Variants in NIPA1 observed in about 807,000 individuals in gnomAD.
NIPA1 encodes magnesium transporter NIPA1.
NIPA1 carries 13 observed loss-of-function variants against 23.9 expected under a neutral mutation model. The ratio of observed to expected loss-of-function variants is 0.54; its 90% confidence interval spans 0.35 to 0.87. The LOEUF (loss-of-function observed/expected upper bound fraction) is 0.87, where lower values mean the gene tolerates loss of function less well. Ranked by LOEUF, NIPA1 falls within the 40% of genes least tolerant of loss-of-function variation. The probability of loss-of-function intolerance (pLI) is 0.01; values close to 1 mark genes in which losing one functional copy is unlikely to be tolerated. For synonymous variants in NIPA1, 234 were observed against 202.9 expected (o/e 1.15, Z -1.30); for missense variants, 362 against 429.7 (o/e 0.84, Z 1.39).
chr15:22,829,241 A>G lies in NIPA1; in HGVS notation c.*5002A>G, dbSNP rs770442629. 2 of 152,072 alleles carry G rather than the reference A, an allele frequency of 1.3e-5. No individual in the cohort carries two copies. Among genetic ancestry groups the G allele is most frequent in the Non-Finnish European group, 2.9e-5 (2 of 68,016 alleles). 9.4% of individuals were successfully genotyped at this position (152,072 alleles called of 1,614,324 possible). Reference sequence around the variant, plus strand: ...TGAAAAAGATTTAATGGCCTGTGAAACACGTGGATTCTGTTGCACTGGATT... The same window carrying G: ...TGAAAAAGATTTAATGGCCTGTGAAGCACGTGGATTCTGTTGCACTGGATT... On this transcript the variant is annotated 3_prime_UTR_variant, in exon 5 of 5. Transcript: ENST00000337435.
chr15:22,787,443 C>T (rs1358021214), intron 1 of NIPA1, among the ~76,000 whole-genome samples: 1 of 152,230 alleles, frequency 6.6e-6, no homozygotes, highest in African/African-American at 2.4e-5. Context: ...CGCCTTAGAC[C>T]TGCACCAAAT....
In NIPA1 at chr15:22,824,158, G is replaced by A; in HGVS notation, c.909G>A (p.Val303=). The part of the protein sequence containing the change: ...GMACGFTTVS[V]GIVLIQVFKE... ...CCTGTGGATTCACGACCGTCTCCGT[G>A]GGGATTGTCCTTATACAGGTGTTCA... is the stretch of plus-strand genomic sequence containing the variant. The change falls in exon 5 of 5, where the codon GTG becomes GTA. Residue 303 remains valine (V), a synonymous_variant. Coordinates refer to ENST00000337435, the MANE Select transcript of NIPA1 (RefSeq NM_144599.5). The surrounding 1 kb of genome is among the most constrained non-coding windows in gnomAD (Gnocchi z 4.1). 6.2e-7 allele frequency: 1 copy of A among 1,613,640 alleles called. No individual in the cohort carries two copies. Among genetic ancestry groups the A allele is most frequent in the Non-Finnish European group, 8.5e-7 (1 of 1,179,502 alleles).
chr15:22,796,258 A>G (rs1894936736), intron 1 of NIPA1, among the ~76,000 whole-genome samples: 1 of 151,954 alleles, frequency 6.6e-6, no homozygotes, highest in Non-Finnish European at 1.5e-5. Flanking sequence ...TTAACTCTTT[A>G]TTTAGAAAAA....
rs759211372 is a variant in NIPA1, at chr15:22,829,183, T to C, written c.*4944T>C. The C allele has an allele frequency of 8.5e-5, 13 of 152,224 alleles. No homozygotes were observed. Among genetic ancestry groups the C allele is most frequent in the Non-Finnish European group, 1.3e-4 (9 of 68,034 alleles). The allele number at this position is 152,224 out of a possible 1,614,324, so 9.4% of individuals were successfully genotyped here. A position where few individuals can be genotyped will look rare whatever the true frequency, so the allele number is the denominator to read the frequency against. Reference sequence around the variant, plus strand: ...GAAAGATCACCTTCCGATGGTGTGATGTGCTCCTGACATTCGGCCGAGGTC... The same window carrying C: ...GAAAGATCACCTTCCGATGGTGTGACGTGCTCCTGACATTCGGCCGAGGTC... On this transcript the variant is annotated 3_prime_UTR_variant, in exon 5 of 5. Coordinates refer to ENST00000337435, the MANE Select transcript of NIPA1 (RefSeq NM_144599.5).
intron 1 of NIPA1, among the ~76,000 whole-genome samples, chr15:22,806,624 T>C (rs1216444275): frequency 2.5e-5 from 2 of 80,298 alleles, no homozygotes; most frequent in Non-Finnish European, 2.0e-5. Context: ...AGCTTGGGCA[T>C]AGATACCTAC....
chr15:22,799,771 G>A (rs1895030075), intron 1 of NIPA1, among the ~76,000 whole-genome samples: 1 of 146,178 alleles, frequency 6.8e-6, no homozygotes, highest in Non-Finnish European at 1.5e-5. Context: ...GACAGAGCAA[G>A]ACTCTGTCTC....
chr15:22,822,957 C>T (rs1156325350), intron 4 of NIPA1, among the ~76,000 whole-genome samples: 35 of 121,772 alleles, frequency 2.9e-4, no homozygotes, highest in African/African-American at 1.0e-3. Flanking sequence ...CTTGCTCTGT[C>T]GCCCAGGCTG....
At position 22,798,553 on chromosome 15, in the gene NIPA1, TA is replaced by T. The variant is rs534667934; in HGVS notation, c.178+11730del. Among the ~76,000 whole-genome samples the T allele has an allele frequency of 3.0e-4, 42 of 138,158 alleles. 1 individual carries two copies. Among genetic ancestry groups the T allele is most frequent in the East Asian group, 2.5e-3 (10 of 4,052 alleles). The allele number at this position is 138,158 out of a possible 152,430, so 90.6% of individuals were successfully genotyped here. On this transcript the variant is annotated intron_variant, in intron 1 of 4. Transcript: ENST00000337435. ...TGTGCCTGGCCTATCCTAAAAATCT[TA>T]AAAAAAAAAACCGGCAGGGTGCACT...
At chr15:22,789,003 T>C (rs970552299) in intron 1 of NIPA1, among the ~76,000 whole-genome samples, 1 of 151,804 alleles carries the variant, frequency 6.6e-6, no homozygotes, top group Non-Finnish European at 1.5e-5. Flanking sequence ...TTATTATGAT[T>C]TTTTTTTGAG....
chr15:22,800,910 G>C (rs565667245), intron 1 of NIPA1, among the ~76,000 whole-genome samples: 1 of 146,698 alleles, frequency 6.8e-6, no homozygotes, highest in Non-Finnish European at 1.5e-5. Context: ...CAGCCTGGGC[G>C]ACAGTGCGAG....
intron 1 of NIPA1, among the ~76,000 whole-genome samples, chr15:22,797,100 C>T (rs1259857388): frequency 1.4e-4 from 20 of 146,794 alleles, no homozygotes; most frequent in African/African-American, 4.1e-4. Flanking sequence ...AGTGCAGTGG[C>T]GCGATCTCAG....
intron 1 of NIPA1, among the ~76,000 whole-genome samples, chr15:22,789,539 G>C (rs985004744): frequency 6.6e-6 from 1 of 152,214 alleles, no homozygotes; most frequent in Admixed American, 6.5e-5. Flanking sequence ...GAATTGTTTT[G>C]GGATTTGGTT....
In NIPA1 at chr15:22,824,242, T is replaced by G. The variant is rs779208974; in HGVS notation, c.*3T>G. On this transcript the variant is annotated 3_prime_UTR_variant, in exon 5 of 5. Coordinates refer to ENST00000337435, the MANE Select transcript of NIPA1 (RefSeq NM_144599.5). The surrounding 1 kb of genome is among the most constrained non-coding windows in gnomAD (Gnocchi z 4.1). ...AATCTAATATGAAAACAGACTAGAT[T>G]GCAATAGGAGCTTGGATGGTTCGAG... 8 of 1,612,534 alleles carry G rather than the reference T, an allele frequency of 5.0e-6. No individual in the cohort carries two copies. The highest frequency in any genetic ancestry group is 6.8e-6 in the Non-Finnish European group (8 of 1,178,520).
chr15:22,788,225 G>T (rs1189667276), intron 1 of NIPA1, among the ~76,000 whole-genome samples: 1 of 152,116 alleles, frequency 6.6e-6, no homozygotes, highest in African/African-American at 2.4e-5. Context: ...CTTGCGGCCG[G>T]GCGCGGTGGC....
chr15:22,812,583 G>A (rs560920188), intron 3 of NIPA1, among the ~76,000 whole-genome samples: 1 of 151,896 alleles, frequency 6.6e-6, no homozygotes. Context: ...AACCTGGGGG[G>A]CAGAGGTTGC....
rs1236416318 is a variant in NIPA1, at chr15:22,826,250, A to G, written c.*2011A>G. ...GATCATGGGTTGTCAGTGATTTGTGAACTGAGAGCAGCAACAACATTATTT... is the reference window on the plus strand; with the variant it reads ...GATCATGGGTTGTCAGTGATTTGTGGACTGAGAGCAGCAACAACATTATTT... On this transcript the variant is annotated 3_prime_UTR_variant, in exon 5 of 5. Transcript: ENST00000337435. 1.3e-5 allele frequency: 2 copies of G among 151,242 alleles called. No homozygotes were observed. Among genetic ancestry groups the G allele is most frequent in the East Asian group, 3.9e-4 (2 of 5,128 alleles). 9.4% of individuals were successfully genotyped at this position (151,242 alleles called of 1,614,324 possible). A position where few individuals can be genotyped will look rare whatever the true frequency, so the allele number is the denominator to read the frequency against.
chr15:22,798,882 A>G (rs921034503), intron 1 of NIPA1, among the ~76,000 whole-genome samples: 2 of 150,258 alleles, frequency 1.3e-5, no homozygotes, highest in Non-Finnish European at 3.0e-5. Context: ...TGTGGTAAAT[A>G]TCAAATATGT....
At position 22,812,206 on chromosome 15, in the gene NIPA1, C is replaced by T; in HGVS notation, c.270C>T (p.Val90=). 1 of 1,613,808 alleles carries T rather than the reference C, an allele frequency of 6.2e-7. No individual in the cohort carries two copies. The highest frequency in any genetic ancestry group is 2.2e-5 in the East Asian group (1 of 44,882). ...GAAACTTCCTGGCTTACACGGCGGTCCCCACGGTCCTGGTAACCCCCCTGG... is the reference window on the plus strand; with the variant it reads ...GAAACTTCCTGGCTTACACGGCGGTTCCCACGGTCCTGGTAACCCCCCTGG... ...QIGNFLAYTA[V]PTVLVTPLGA... Residue 90 remains valine (V), a synonymous_variant, in exon 3 of 5, where the codon GTC becomes GTT. Coordinates refer to ENST00000337435, the MANE Select transcript of NIPA1 (RefSeq NM_144599.5).
chr15:22,812,951 G>A (rs1895348042), intron 3 of NIPA1, among the ~76,000 whole-genome samples: 1 of 152,156 alleles, frequency 6.6e-6, no homozygotes, highest in Non-Finnish European at 1.5e-5. Context: ...CTTGCTGGAT[G>A]CCGGACAGTC....
Sources: allele counts gnomAD v4.1 joint callset (sites outside exome capture counted in the v4.1 genomes callset), GRCh38; gene constraint gnomAD v4.1.1; non-coding constraint Gnocchi (gnomAD v3.1); transcripts MANE v1.5; gene names NCBI Gene and HGNC (gene_info 2026-07-23, HGNC 2026-07-21).